Variants in TNR observed in about 807,000 individuals in gnomAD.
TNR encodes tenascin R.
Under a neutral mutation model 150.4 loss-of-function variants are expected in TNR, and 45 were observed. The ratio of observed to expected loss-of-function variants is 0.30; its 90% CI spans 0.24 to 0.38. The LOEUF (loss-of-function observed/expected upper bound fraction) is 0.38. TNR is among the 10% of genes least tolerant of loss of function. The pLI is 1.00. For missense variants in TNR, 1,544 were observed against 1,759.1 expected (o/e 0.88, Z 2.19); for synonymous variants, 687 against 678.4 (o/e 1.01, Z -0.20).
chr1:175,365,849 G>C (rs1651814906), intron 11 of TNR, 26 bp downstream of exon 11: 1 of 1,604,344 alleles, frequency 6.2e-7, no homozygotes, highest in African/African-American at 1.3e-5. Context: ...CCCTGAACCT[G>C]GCTGGGATTT....
intron 1 of TNR, among the ~76,000 whole-genome samples, chr1:175,575,764 C>T (rs1478240181): frequency 6.6e-6 from 1 of 152,150 alleles, no homozygotes; most frequent in East Asian, 1.9e-4. Flanking sequence ...CACCGGGGGA[C>T]TGTGTATGAT....
chr1:175,525,639 G>A (rs1659818176), intron 2 of TNR, among the ~76,000 whole-genome samples: 1 of 152,212 alleles, frequency 6.6e-6, no homozygotes, highest in African/African-American at 2.4e-5. Context: ...AGCCCCGGGT[G>A]CCCTCCTTCA....
chr1:175,728,424 G>A (rs998973124), intron 1 of TNR, among the ~76,000 whole-genome samples: 7 of 152,152 alleles, frequency 4.6e-5, no homozygotes, highest in African/African-American at 1.4e-4. Context: ...GGGTCCTAAC[G>A]CCTGCTCTTC....
intron 1 of TNR, among the ~76,000 whole-genome samples, chr1:175,640,401 GGTT>G (rs1429107340): frequency 6.6e-6 from 1 of 152,210 alleles, no homozygotes. Flanking sequence ...AAGGTGTCTT[GGTT>G]GTTAAGCCAT....
intron 2 of TNR, among the ~76,000 whole-genome samples, chr1:175,432,345 G>C (rs1004361021): frequency 6.6e-6 from 1 of 152,214 alleles, no homozygotes; most frequent in African/African-American, 2.4e-5. Flanking sequence ...ACTGTGGTTA[G>C]AAGTAATAGC....
intron 2 of TNR, among the ~76,000 whole-genome samples, chr1:175,518,147 A>C (rs976879610): frequency 6.6e-6 from 1 of 152,238 alleles, no homozygotes; most frequent in African/African-American, 2.4e-5. Context: ...TTCTGTAAGC[A>C]GTTGTGTTTA....
chr1:175,500,121 G>T (rs1289171787), intron 2 of TNR, among the ~76,000 whole-genome samples: 1 of 152,194 alleles, frequency 6.6e-6, no homozygotes, highest in East Asian at 1.9e-4. Flanking sequence ...CAGAACAGCA[G>T]CCCGGTGGAG....
At chr1:175,447,034 T>A (rs1324353029) in intron 2 of TNR, among the ~76,000 whole-genome samples, 3 of 152,246 alleles carry the variant, frequency 2.0e-5, no homozygotes, top group Non-Finnish European at 4.4e-5. Flanking sequence ...GTTATATGCA[T>A]GTGCATGTGT....
intron 1 of TNR, among the ~76,000 whole-genome samples, chr1:175,547,371 G>A (rs1308417430): frequency 6.6e-5 from 10 of 152,080 alleles, no homozygotes; most frequent in Non-Finnish European, 1.5e-4. Flanking sequence ...ACAACTTTGA[G>A]CTTCTATAAT....
At chr1:175,725,320 C>T (rs921230699) in intron 1 of TNR, among the ~76,000 whole-genome samples, 4 of 152,174 alleles carry the variant, frequency 2.6e-5, no homozygotes, top group African/African-American at 9.7e-5. Flanking sequence ...TATAAGTGAA[C>T]CTTCCCATAG....
chr1:175,325,916 T>C (rs1274897865), intron 21 of TNR, among the ~76,000 whole-genome samples: 6 of 152,010 alleles, frequency 3.9e-5, no homozygotes, highest in African/African-American at 1.5e-4. Flanking sequence ...ATACCTAATG[T>C]AAATGACAAG....
chr1:175,363,911 A>G (rs1651714996), intron 12 of TNR, 84 bp from the exon 13 acceptor site: 13 of 1,503,360 alleles, frequency 8.6e-6, no homozygotes, highest in African/African-American at 1.4e-5. Flanking sequence ...ATGTTGACCA[A>G]AAGCCAATGT....
intron 2 of TNR, among the ~76,000 whole-genome samples, chr1:175,501,675 G>T (rs1658745030): frequency 6.6e-6 from 1 of 152,178 alleles, no homozygotes. Context: ...GATATTTCTT[G>T]CCTCCTTCCT....
At chr1:175,501,440 C>T (rs1292690861) in intron 2 of TNR, among the ~76,000 whole-genome samples, 2 of 152,208 alleles carry the variant, frequency 1.3e-5, no homozygotes, top group Non-Finnish European at 2.9e-5. Flanking sequence ...CCTGAATGAG[C>T]TTGGAAGAGG....
chr1:175,724,921 T>C (rs1377406661), intron 1 of TNR, among the ~76,000 whole-genome samples: 5 of 151,970 alleles, frequency 3.3e-5, no homozygotes, highest in African/African-American at 1.2e-4. Context: ...GAGCAGACCC[T>C]AGGGAGTGTG....
intron 18 of TNR, among the ~76,000 whole-genome samples, chr1:175,348,125 A>T (rs1285477681): frequency 6.6e-6 from 1 of 152,192 alleles, no homozygotes; most frequent in Non-Finnish European, 1.5e-5. Context: ...CCAACTAGAA[A>T]ATATATATTT....
chr1:175,694,333 C>A lies in TNR; in HGVS notation c.-165+48893G>T, dbSNP rs149129547. 6.7e-3 allele frequency among the ~76,000 whole-genome samples: 1,024 copies of A among 152,334 alleles called. 14 individuals are homozygous for A. The highest frequency in any genetic ancestry group is 0.024 in the African/African-American group (984 of 41,576). On this transcript the variant is annotated intron_variant, in intron 1 of 22. Coordinates refer to ENST00000367674, the MANE Select transcript of TNR (RefSeq NM_003285.3). Reference sequence around the variant, plus strand: ...CTCACTAGAGATAAAACGTCACAACCATTCAGTGTCTCTAGCCAGAAATCC... The same window carrying A: ...CTCACTAGAGATAAAACGTCACAACAATTCAGTGTCTCTAGCCAGAAATCC...
chr1:175,636,985 A>G (rs1664508999), intron 1 of TNR, among the ~76,000 whole-genome samples: 1 of 152,254 alleles, frequency 6.6e-6, no homozygotes, highest in Non-Finnish European at 1.5e-5. Flanking sequence ...TCCAGCATGG[A>G]TCTTACAGAT....
chr1:175,394,592 T>C (rs1653335437), intron 5 of TNR, among the ~76,000 whole-genome samples: 1 of 152,216 alleles, frequency 6.6e-6, no homozygotes, highest in Admixed American at 6.5e-5. Context: ...CTTGTCCTAA[T>C]GGAGTTTCAA....
Sources: allele counts gnomAD v4.1 joint callset (sites outside exome capture counted in the v4.1 genomes callset), GRCh38; gene constraint gnomAD v4.1.1; transcripts MANE v1.5; gene names NCBI Gene and HGNC (gene_info 2026-07-23, HGNC 2026-07-21).